Variants in PDCD6 observed in about 807,000 individuals in gnomAD.
PDCD6 encodes programmed cell death protein 6.
Under a neutral mutation model 28.3 loss-of-function variants are expected in PDCD6, and 12 were observed. That is an observed-to-expected ratio of 0.42 (90% confidence interval 0.27 to 0.69). The LOEUF (loss-of-function observed/expected upper bound fraction) is 0.69. Ranked by LOEUF, PDCD6 falls within the 30% of genes least tolerant of loss-of-function variation. The probability of loss-of-function intolerance (pLI) is 0.22; values close to 1 mark genes in which losing one functional copy is unlikely to be tolerated. For synonymous variants in PDCD6, 92 were observed against 108.0 expected, an observed-to-expected ratio of 0.85 and a Z score of 0.92; for missense variants, 226 against 269.9, an observed-to-expected ratio of 0.84 and a Z score of 1.14.
chr5:311,676 GTTTTTTTTGTTT>G, intron 5 of PDCD6: 1 of 389,194 alleles, frequency 2.6e-6, no homozygotes, highest in Non-Finnish European at 4.6e-6. Context: ...TGGTGTTGTG[GTTTTTTTTGTTT>G]TTTGTTTTGT....
chr5:310,271 T>A (rs7710539), intron 4 of PDCD6: 18,035 of 157,284 alleles, frequency 0.11, 3,367 homozygotes, highest in African/African-American at 0.4. Flanking sequence ...CTGTTGCACA[T>A]TTAGGGACCC....
chr5:271,660 A>T lies in PDCD6; in HGVS notation c.-61A>T. 2 of 942,464 alleles carry T rather than the reference A, an allele frequency of 2.1e-6. No individual in the cohort carries two copies. The highest frequency in any genetic ancestry group is 1.6e-6 in the Non-Finnish European group (1 of 608,446). The allele number at this position is 942,464 out of a possible 1,614,324, so 58.4% of individuals were successfully genotyped here. On this transcript the variant is annotated 5_prime_UTR_variant, in exon 1 of 6. Transcript: ENST00000264933. ...CTGCCCCCGGCAGAGGCGGAAGCGG[A>T]GTCGGCCTGAGAGGTCTCTCGTCGC...
intron 2 of PDCD6, among the ~76,000 whole-genome samples, chr5:285,234 C>CAGG (rs1484024158): frequency 6.7e-6 from 1 of 149,532 alleles, no homozygotes; most frequent in African/African-American, 2.5e-5. Context: ...GCTGTAGACT[C>CAGG]AGGAGGAAGC....
Position 314,751 on chromosome 5 carries a change from G to A in PDCD6, c.*236G>A, listed in dbSNP as rs1741160190. ...TGGTGACTGTCTCATTGTGCCATGA[G>A]GTAAATGTAATGTTTCAGGCATTCT... On this transcript the variant is annotated 3_prime_UTR_variant, in exon 6 of 6. Coordinates refer to ENST00000264933, the MANE Select transcript of PDCD6 (RefSeq NM_013232.4). 8.3e-6 allele frequency: 5 copies of A among 605,960 alleles called. No homozygotes were observed. In the Admixed American group the frequency reaches 9.2e-5, roughly 11 times the overall value. 37.5% of individuals were successfully genotyped at this position (605,960 alleles called of 1,614,324 possible). A position where few individuals can be genotyped will look rare whatever the true frequency, so the allele number is the denominator to read the frequency against.
chr5:297,862 C>G (rs1054570159), intron 2 of PDCD6, among the ~76,000 whole-genome samples: 6 of 152,178 alleles, frequency 3.9e-5, no homozygotes, highest in Non-Finnish European at 8.8e-5. Flanking sequence ...TAGAATATGA[C>G]CTTTTGTCAC....
chr5:272,852 G>C, intron 2 of PDCD6, 80 bp downstream of exon 2: 1 of 1,540,640 alleles, frequency 6.5e-7, no homozygotes, highest in Non-Finnish European at 8.7e-7. Flanking sequence ...ACTTTCTGAA[G>C]TTGTTTTTCC....
chr5:300,217 C>G (rs1739965335), intron 2 of PDCD6, among the ~76,000 whole-genome samples: 1 of 152,204 alleles, frequency 6.6e-6, no homozygotes, highest in Admixed American at 6.5e-5. Context: ...GGGTAGTTGA[C>G]CAACAAGGTG....
intron 2 of PDCD6, among the ~76,000 whole-genome samples, chr5:295,075 G>C (rs1176751269): frequency 6.6e-6 from 1 of 152,184 alleles, no homozygotes; most frequent in Non-Finnish European, 1.5e-5. Flanking sequence ...GCACCTCACT[G>C]TGGGCTGCTG....
At chr5:277,211 C>T (rs182467137) in intron 2 of PDCD6, among the ~76,000 whole-genome samples, 156 of 152,182 alleles carry the variant, frequency 1.0e-3, no homozygotes, top group Admixed American at 1.5e-3. Context: ...CTACAACCTC[C>T]GCATCTGGGG....
At chr5:272,688 A>G (rs1371704970) in intron 1 of PDCD6, 23 bp from the exon 2 acceptor site, 11 of 1,559,118 alleles carry the variant, frequency 7.1e-6, no homozygotes, top group Non-Finnish European at 7.8e-6. Context: ...TCGCCAGCTT[A>G]TTTGGTCTTC....
At chr5:275,620 A>G (rs1281089706) in intron 2 of PDCD6, among the ~76,000 whole-genome samples, 1 of 152,206 alleles carries the variant, frequency 6.6e-6, no homozygotes, top group East Asian at 1.9e-4. Context: ...ATTCACATTT[A>G]CTTTATTTTG....
intron 1 of PDCD6, among the ~76,000 whole-genome samples, chr5:272,137 C>G (rs1432487937): frequency 2.8e-4 from 43 of 151,246 alleles, no homozygotes; most frequent in Admixed American, 5.9e-4. Context: ...GAGTGCGCCA[C>G]TGCAGACCCG....
At chr5:280,060 AC>A (rs976451154) in intron 2 of PDCD6, among the ~76,000 whole-genome samples, 3 of 150,244 alleles carry the variant, frequency 2.0e-5, no homozygotes, top group African/African-American at 7.3e-5. Context: ...TAGAGAGTAA[AC>A]CCCGATAGAG....
chr5:300,786 C>T (rs569176891), intron 2 of PDCD6, among the ~76,000 whole-genome samples: 5 of 152,304 alleles, frequency 3.3e-5, no homozygotes, highest in Middle Eastern at 3.4e-3. Context: ...CATCCCTCAG[C>T]GGCCCTTTCT....
chr5:277,308 T>A (rs1389045223), intron 2 of PDCD6, among the ~76,000 whole-genome samples: 1 of 144,560 alleles, frequency 6.9e-6, no homozygotes, highest in Non-Finnish European at 1.5e-5. Context: ...TGTATTTTTT[T>A]TTTTTTTTTT....
intron 4 of PDCD6, chr5:308,498 T>G (rs1252873415): frequency 6.6e-6 from 1 of 152,238 alleles, no homozygotes; most frequent in African/African-American, 2.4e-5. Context: ...CAGCATTTTC[T>G]CTGGTTACCC....
At chr5:290,154 C>T (rs1739231497) in intron 2 of PDCD6, 3 of 1,589,680 alleles carry the variant, frequency 1.9e-6, no homozygotes, top group Non-Finnish European at 2.6e-6. Flanking sequence ...TGAAATCATC[C>T]ATCACTTTCT....
rs968391304 is a variant in PDCD6, at chr5:285,394, C to T, written c.163+12622C>T. On this transcript the variant is annotated intron_variant, in intron 2 of 5. Coordinates refer to ENST00000264933, the MANE Select transcript of PDCD6 (RefSeq NM_013232.4). ...GAGCCCTGGGGCGGAGCTGATATTC[C>T]AGTTTGAGGGCCGTGCAGCTGGAGA... Among the ~76,000 whole-genome samples, 9 of 151,136 alleles carry T rather than the reference C, an allele frequency of 6.0e-5. 1 individual carries two copies. The highest frequency in any genetic ancestry group is 4.0e-4 in the Admixed American group (6 of 15,182).
chr5:297,913 CT>C (rs1473183624), intron 2 of PDCD6, among the ~76,000 whole-genome samples: 1 of 152,166 alleles, frequency 6.6e-6, no homozygotes, highest in Non-Finnish European at 1.5e-5. Flanking sequence ...GACTTATGTT[CT>C]TTAATGGCTA....
Sources: gnomAD v4.1 joint callset for allele counts (sites outside exome capture counted in the v4.1 genomes callset) on GRCh38, gnomAD v4.1.1 for gene constraint, MANE v1.5 for transcripts, NCBI Gene and HGNC (gene_info 2026-07-23, HGNC 2026-07-21) for gene names.